WDFY3: variants seen among roughly 807,000 people sequenced by gnomAD.
The protein encoded by WDFY3 is WD repeat and FYVE domain containing 3.
In WDFY3, 66 loss-of-function variants were observed where a neutral mutation model predicts 409.6. The observed-to-expected ratio is 0.16, with a 90% CI of 0.13 to 0.20. The LOEUF (loss-of-function observed/expected upper bound fraction) is 0.20, where lower values mean the gene tolerates loss of function less well. Among genes scored for constraint, WDFY3 ranks in the 10% least tolerant of loss-of-function variants. The probability of loss-of-function intolerance (pLI) is 1.00; values close to 1 mark genes in which losing one functional copy is unlikely to be tolerated. For missense variants in WDFY3, 3,031 were observed against 4,298.1 expected, an observed-to-expected ratio of 0.71 and a Z score of 8.24; for synonymous variants, 1,521 against 1,537.1, an observed-to-expected ratio of 0.99 and a Z score of 0.25.
intron 2 of WDFY3, among the ~76,000 whole-genome samples, chr4:84,902,447 C>G (rs576217108): frequency 6.6e-6 from 1 of 152,240 alleles, no homozygotes; most frequent in South Asian, 2.1e-4. Context: ...CTGGACCAGA[C>G]TAAAAACATT....
At position 84,743,794 on chromosome 4, in the gene WDFY3, G is replaced by C; in HGVS notation, c.5979C>G (p.Ser1993=). The C allele has an allele frequency of 6.4e-7, 1 of 1,556,588 alleles. No homozygotes were observed. The highest frequency in any genetic ancestry group is 1.2e-5 in the South Asian group (1 of 80,726). Residue 1993 remains serine (S), a synonymous_variant, in exon 37 of 68, where the codon TCC becomes TCG. Transcript: ENST00000295888. ...TPLIDLLLEA[S]PERSTRTQQK... ...GCTGAGTTCTTGTAGACCTTTCAGG[G>C]GAAGCCTAATCAAGAAAATTTAGAA...
chr4:84,866,124 T>C (rs180712655), intron 3 of WDFY3, among the ~76,000 whole-genome samples: 84 of 152,284 alleles, frequency 5.5e-4, no homozygotes, highest in African/African-American at 2.0e-3. Flanking sequence ...GTGGGTTTAC[T>C]GGTACTTCTC....
At position 84,704,028 on chromosome 4, in the gene WDFY3, A is replaced by G. The variant is rs534602429; in HGVS notation, c.8442+310T>C. Among the ~76,000 whole-genome samples the G allele has an allele frequency of 1.4e-3, 207 of 152,340 alleles. 1 individual carries two copies. Among genetic ancestry groups the G allele is most frequent in the African/African-American group, 4.8e-3 (198 of 41,586 alleles). ...GAAAAGCAATTATAATCGAGGAAAC[A>G]GAGAATGAGCTGGAATATATCATGT... On this transcript the variant is annotated intron_variant, in intron 55 of 67. Transcript: ENST00000295888.
chr4:84,685,940 T>G (rs1181759420), intron 62 of WDFY3, among the ~76,000 whole-genome samples: 2 of 152,238 alleles, frequency 1.3e-5, no homozygotes, highest in Non-Finnish European at 2.9e-5. Flanking sequence ...TCAACACTGC[T>G]GCATAAGAGC....
intron 44 of WDFY3, among the ~76,000 whole-genome samples, chr4:84,730,412 T>C (rs967398079): frequency 6.6e-6 from 1 of 152,162 alleles, no homozygotes; most frequent in African/African-American, 2.4e-5. Flanking sequence ...TAAAACCTAA[T>C]ATGGAATACA....
intron 3 of WDFY3, among the ~76,000 whole-genome samples, chr4:84,885,786 A>C (rs2150447538): frequency 6.6e-6 from 1 of 152,340 alleles, no homozygotes; most frequent in Middle Eastern, 3.4e-3. Context: ...ATGTGGACAG[A>C]AACTACACAC....
chr4:84,829,231 A>G, intron 8 of WDFY3, 41 bp from the exon 9 acceptor site: 3 of 1,454,514 alleles, frequency 2.1e-6, no homozygotes, highest in Non-Finnish European at 2.7e-6. Flanking sequence ...ATTATTCCTG[A>G]CAATCGCTTA....
intron 1 of WDFY3, among the ~76,000 whole-genome samples, chr4:84,962,197 A>T (rs1404994143): frequency 3.3e-5 from 5 of 152,234 alleles, no homozygotes; most frequent in Non-Finnish European, 7.3e-5. Context: ...GAATTCTGTA[A>T]GCTGGTAGCT....
At chr4:84,819,053 G>A (rs1220802123) in intron 12 of WDFY3, among the ~76,000 whole-genome samples, 1 of 151,964 alleles carries the variant, frequency 6.6e-6, no homozygotes, top group Non-Finnish European at 1.5e-5. Flanking sequence ...TGTTACTATA[G>A]TATCCACTAA....
At position 84,783,071 on chromosome 4, in the gene WDFY3, C is replaced by T. The variant is rs1248747264; in HGVS notation, c.4066G>A (p.Gly1356Ser). ...GTGGCATTCTCATGTGAGGAAATGCCTAACTGAAAAATAGGAAAGGAAAAG... is the reference window on the plus strand; with the variant it reads ...GTGGCATTCTCATGTGAGGAAATGCTTAACTGAAAAATAGGAAAGGAAAAG... The part of the protein sequence containing the change: ...LDSKAIAKQL[G>S]ISSHENATPV... Residue 1356 changes from glycine to serine, a missense_variant, in exon 25 of 68, where the codon GGC becomes AGC. Physicochemically the swap from Gly to Ser is moderately conservative, Grantham distance 56. Coordinates refer to ENST00000295888, the MANE Select transcript of WDFY3 (RefSeq NM_014991.6). 1 of 1,612,222 alleles carries T rather than the reference C, an allele frequency of 6.2e-7. No individual in the cohort carries two copies. The highest frequency in any genetic ancestry group is 8.5e-7 in the Non-Finnish European group (1 of 1,179,230).
chr4:84,733,466 C>T lies in WDFY3; in HGVS notation c.7137G>A (p.Arg2379=), dbSNP rs139607760. 194 of 1,613,998 alleles carry T rather than the reference C, an allele frequency of 1.2e-4. 1 individual carries two copies. Among genetic ancestry groups the T allele is most frequent in the Middle Eastern group, 6.6e-4 (4 of 6,062 alleles). ...CATTTCGCACCATCTTTTTCCTCAT[C>T]CTGCAGGGCCCTTCTGTCATCTCCA... ...WMLEMTEGPC[R]MRKKMVRNDM... The change falls in exon 44 of 68, where the codon AGG becomes AGA. Residue 2379 remains arginine, a synonymous_variant. Coordinates refer to ENST00000295888, the MANE Select transcript of WDFY3 (RefSeq NM_014991.6).
chr4:84,808,527 C>T (rs1487180237), intron 14 of WDFY3, 110 bp from the exon 15 acceptor site: 1 of 800,312 alleles, frequency 1.2e-6, no homozygotes, highest in East Asian at 2.5e-5. Context: ...TAATAAGGAA[C>T]ATCTTCCATA....
At chr4:84,768,078 G>A (rs577711393) in intron 30 of WDFY3, among the ~76,000 whole-genome samples, 1 of 152,238 alleles carries the variant, frequency 6.6e-6, no homozygotes, top group South Asian at 2.1e-4. Context: ...GTGAGACCCT[G>A]TCTCAAAAAC....
intron 5 of WDFY3, 151 bp from the exon 6 acceptor site, chr4:84,841,414 T>G: frequency 9.3e-6 from 6 of 645,550 alleles, no homozygotes; most frequent in Middle Eastern, 2.9e-4. Flanking sequence ...TAGCAATGTT[T>G]TAATGGTATT....
At chr4:84,809,749 A>T in intron 14 of WDFY3, 138 bp downstream of exon 14, 1 of 778,726 alleles carries the variant, frequency 1.3e-6, no homozygotes, top group Non-Finnish European at 2.0e-6. Context: ...ATTCAAAAAT[A>T]AAGTGATACA....
At chr4:84,674,825 G>A (rs929116706) in intron 67 of WDFY3, among the ~76,000 whole-genome samples, 33 of 151,466 alleles carry the variant, frequency 2.2e-4, no homozygotes, top group African/African-American at 7.5e-4. Flanking sequence ...CCGAGATCAC[G>A]CCACTGCACT....
At chr4:84,876,809 A>G (rs1183696245) in intron 3 of WDFY3, among the ~76,000 whole-genome samples, 1 of 150,792 alleles carries the variant, frequency 6.6e-6, no homozygotes, top group African/African-American at 2.5e-5. Context: ...ATATTACAAC[A>G]TGAAAAAATG....
chr4:84,737,448 T>G, intron 40 of WDFY3, 82 bp from the exon 41 acceptor site: 1 of 1,401,056 alleles, frequency 7.1e-7, no homozygotes, highest in Non-Finnish European at 9.4e-7. Context: ...TTTTTCTTCA[T>G]GTTTACATGT....
chr4:84,837,957 C>T (rs1756827510), intron 6 of WDFY3, among the ~76,000 whole-genome samples: 1 of 152,090 alleles, frequency 6.6e-6, no homozygotes, highest in African/African-American at 2.4e-5. Context: ...GTAACTATGA[C>T]TTAATCTCTT....
Sources: allele counts gnomAD v4.1 joint callset (sites outside exome capture counted in the v4.1 genomes callset), GRCh38; gene constraint gnomAD v4.1.1; transcripts MANE v1.5; gene names NCBI Gene and HGNC (gene_info 2026-07-23, HGNC 2026-07-21).